TUFT1: variants seen among roughly 807,000 people sequenced by gnomAD.
The protein encoded by TUFT1 is tuftelin 1.
Under a neutral mutation model 57.8 loss-of-function variants are expected in TUFT1, and 43 were observed. That is an observed-to-expected ratio of 0.74 (90% confidence interval 0.58 to 0.96). The LOEUF (loss-of-function observed/expected upper bound fraction) is 0.96, where lower values mean the gene tolerates loss of function less well. Among genes scored for constraint, TUFT1 ranks in the 40% least tolerant of loss-of-function variants. The pLI is 0.00. For synonymous variants in TUFT1, 166 were observed against 176.7 expected (o/e 0.94, Z 0.48); for missense variants, 459 against 489.0 (o/e 0.94, Z 0.58).
Position 151,569,670 on chromosome 1 carries a change from T to C in TUFT1, c.494T>C (p.Ile165Thr). The C allele has an allele frequency of 6.2e-7, 1 of 1,613,794 alleles. No individual in the cohort carries two copies. The highest frequency in any genetic ancestry group is 8.5e-7 in the Non-Finnish European group (1 of 1,179,794). The change falls in exon 7 of 13, where the codon ATA becomes ACA. Residue 165 changes from isoleucine to threonine, a missense_variant. Coordinates refer to ENST00000368849, the MANE Select transcript of TUFT1 (RefSeq NM_020127.3). ...TTCTGGCTGTAGGTGGACACCTGTATAAATGAGGATGTTGAGAGCTTGAGG... is the reference window on the plus strand; with the variant it reads ...TTCTGGCTGTAGGTGGACACCTGTACAAATGAGGATGTTGAGAGCTTGAGG... Reference protein sequence around the residue: ...YSSPPEVDTCINEDVESLRKT... With the variant: ...YSSPPEVDTCTNEDVESLRKT...
chr1:151,548,850 G>T (rs1366806502), intron 1 of TUFT1, among the ~76,000 whole-genome samples: 1 of 152,180 alleles, frequency 6.6e-6, no homozygotes, highest in Non-Finnish European at 1.5e-5. Context: ...AACCTGGGGA[G>T]TGAGAGCTGG....
chr1:151,559,476 T>C (rs759864097), intron 1 of TUFT1, among the ~76,000 whole-genome samples: 1 of 152,042 alleles, frequency 6.6e-6, no homozygotes, highest in African/African-American at 2.4e-5. Flanking sequence ...AGAATAGATA[T>C]TTAAGGCACA....
At position 151,562,577 on chromosome 1, in the gene TUFT1, T is replaced by C. The variant is rs758028721; in HGVS notation, c.136-8T>C. ...CTCTCTCTCTCTCTCTCATCTCTCT[T>C]TGGCCAGGCGGGCAGGAAGACCTAT... On this transcript the variant is annotated splice_region_variant and splice_polypyrimidine_tract_variant and intron_variant, in intron 2 of 12. Coordinates refer to ENST00000368849, the MANE Select transcript of TUFT1 (RefSeq NM_020127.3). 3 of 1,607,744 alleles carry C rather than the reference T, an allele frequency of 1.9e-6. No homozygotes were observed. The highest frequency in any genetic ancestry group is 2.2e-5 in the East Asian group (1 of 44,868).
intron 1 of TUFT1, among the ~76,000 whole-genome samples, chr1:151,545,491 T>G (rs752044984): frequency 6.6e-6 from 1 of 152,200 alleles, no homozygotes; most frequent in Non-Finnish European, 1.5e-5. Context: ...TTGTGAGGAT[T>G]AAATTAGATA....
rs556976597 is a variant in TUFT1, at chr1:151,541,397, T to C, written c.60+971T>C. Among the ~76,000 whole-genome samples, 1,459 of 152,300 alleles carry C rather than the reference T, an allele frequency of 9.6e-3. 13 individuals are homozygous for C. Among genetic ancestry groups the C allele is most frequent in the Non-Finnish European group, 0.015 (1,029 of 68,020 alleles). The stretch of plus-strand genomic sequence containing the variant: ...GGAGGGTAATTTGTGGCTGAGTGTT[T>C]CTAGGCTCTTTTGGGGAACTTAACC... On this transcript the variant is annotated intron_variant, in intron 1 of 12. Coordinates refer to ENST00000368849, the MANE Select transcript of TUFT1 (RefSeq NM_020127.3).
At chr1:151,554,469 GGCTCA>G in intron 1 of TUFT1, among the ~76,000 whole-genome samples, 1 of 152,220 alleles carries the variant, frequency 6.6e-6, no homozygotes, top group Non-Finnish European at 1.5e-5. Flanking sequence ...GCACGATCTT[GGCTCA>G]CTGCAACCTC....
At chr1:151,555,574 T>C (rs1037871773) in intron 1 of TUFT1, among the ~76,000 whole-genome samples, 13 of 151,352 alleles carry the variant, frequency 8.6e-5, no homozygotes, top group Non-Finnish European at 1.8e-4. Flanking sequence ...GTCAGGAGTT[T>C]GAGACCAACC....
At chr1:151,569,186 G>T (rs894975991) in intron 6 of TUFT1, among the ~76,000 whole-genome samples, 3 of 152,140 alleles carry the variant, frequency 2.0e-5, no homozygotes, top group Non-Finnish European at 4.4e-5. Flanking sequence ...TGCTGTCAGT[G>T]CCAAAAGCTG....
chr1:151,549,394 A>G (rs1240044579), intron 1 of TUFT1, among the ~76,000 whole-genome samples: 4 of 152,152 alleles, frequency 2.6e-5, no homozygotes, highest in African/African-American at 9.7e-5. Flanking sequence ...ACTAAGATGC[A>G]TTCTCCAGTT....
At chr1:151,563,669 C>T (rs897184049) in intron 3 of TUFT1, among the ~76,000 whole-genome samples, 87 of 152,048 alleles carry the variant, frequency 5.7e-4, no homozygotes, top group Non-Finnish European at 2.8e-4. Flanking sequence ...GTGTTTATGC[C>T]AATACAGCTA....
At chr1:151,546,886 AAT>A (rs1473899935) in intron 1 of TUFT1, among the ~76,000 whole-genome samples, 1 of 152,194 alleles carries the variant, frequency 6.6e-6, no homozygotes, top group African/African-American at 2.4e-5. Context: ...CTTGGAGAGG[AAT>A]ACCTAGGAGT....
chr1:151,546,003 CTT>C (rs34362343), intron 1 of TUFT1: 618 of 202,704 alleles, frequency 3.0e-3, no homozygotes, highest in South Asian at 7.2e-3. Flanking sequence ...GCATTTTTTT[CTT>C]TTTTTTTTTT....
At chr1:151,570,641 C>CCTA (rs2102548168) in intron 7 of TUFT1, among the ~76,000 whole-genome samples, 1 of 152,214 alleles carries the variant, frequency 6.6e-6, no homozygotes, top group African/African-American at 2.4e-5. Context: ...GTAAAAGCCC[C>CCTA]CTACTATATG....
At chr1:151,545,873 C>A in intron 1 of TUFT1, 1 of 533,376 alleles carries the variant, frequency 1.9e-6, no homozygotes, top group Non-Finnish European at 3.9e-6. Flanking sequence ...CATATTTTGG[C>A]ATCTCTCTCT....
intron 1 of TUFT1, among the ~76,000 whole-genome samples, chr1:151,548,882 T>C (rs931923907): frequency 6.6e-6 from 1 of 152,186 alleles, no homozygotes; most frequent in African/African-American, 2.4e-5. Context: ...CTTTTCCCTA[T>C]TCACATGAGC....
At chr1:151,579,104 T>C (rs1481398904) in intron 10 of TUFT1, among the ~76,000 whole-genome samples, 2 of 152,246 alleles carry the variant, frequency 1.3e-5, no homozygotes, top group African/African-American at 4.8e-5. Context: ...AAATGAGTAG[T>C]TGAGTCATAA....
chr1:151,546,213 T>C (rs1258648469), intron 1 of TUFT1, among the ~76,000 whole-genome samples: 5 of 152,154 alleles, frequency 3.3e-5, no homozygotes, highest in Non-Finnish European at 7.3e-5. Context: ...TCTGAAGACT[T>C]GTCTTTACTG....
chr1:151,552,844 AT>A (rs1212768273), intron 1 of TUFT1, among the ~76,000 whole-genome samples: 25 of 151,194 alleles, frequency 1.7e-4, no homozygotes, highest in Admixed American at 7.9e-4. Context: ...AATTTTTATT[AT>A]TTTTTAAAAG....
intron 1 of TUFT1, among the ~76,000 whole-genome samples, chr1:151,556,453 G>C (rs1665702210): frequency 6.9e-6 from 1 of 144,942 alleles, no homozygotes; most frequent in Admixed American, 6.9e-5. Flanking sequence ...CCGTAGCCCA[G>C]GCTGGAGTGC....
Sources: allele counts gnomAD v4.1 joint callset (sites outside exome capture counted in the v4.1 genomes callset), GRCh38; gene constraint gnomAD v4.1.1; transcripts MANE v1.5; gene names NCBI Gene and HGNC (gene_info 2026-07-23, HGNC 2026-07-21).